Variants in NTM observed in about 807,000 individuals in gnomAD.
The protein encoded by NTM is neurotrimin.
Under a neutral mutation model 42.1 loss-of-function variants are expected in NTM, and 13 were observed. That is an observed-to-expected ratio of 0.31 (90% CI 0.20 to 0.49). The LOEUF (loss-of-function observed/expected upper bound fraction) is 0.49, where lower values mean the gene tolerates loss of function less well. Ranked by LOEUF, NTM falls within the 20% of genes least tolerant of loss-of-function variation. The pLI, the probability that NTM is intolerant of heterozygous loss-of-function variation, is 0.99. For synonymous variants in NTM, 187 were observed against 179.2 expected (o/e 1.04, Z -0.35); for missense variants, 373 against 452.8 (o/e 0.82, Z 1.60).
chr11:132,039,484 T>C (rs933130033), intron 2 of NTM, among the ~76,000 whole-genome samples: 2 of 151,354 alleles, frequency 1.3e-5, no homozygotes, highest in Non-Finnish European at 2.9e-5. Flanking sequence ...CTTAAACTCT[T>C]AGGCTCAAGC....
chr11:131,929,492 T>G (rs1356712872), intron 2 of NTM, among the ~76,000 whole-genome samples: 2 of 146,446 alleles, frequency 1.4e-5, no homozygotes, highest in Admixed American at 6.9e-5. Context: ...CTTATTGCCC[T>G]TATAAAAACT....
chr11:131,400,208 T>C (rs1944985552), intron 1 of NTM, among the ~76,000 whole-genome samples: 1 of 152,140 alleles, frequency 6.6e-6, no homozygotes, highest in Non-Finnish European at 1.5e-5. Context: ...GGACGTCACC[T>C]GTCCTTTCTC....
chr11:131,527,294 C>T (rs112617551), intron 1 of NTM, among the ~76,000 whole-genome samples: 429 of 152,266 alleles, frequency 2.8e-3, no homozygotes, highest in Non-Finnish European at 4.5e-3. Flanking sequence ...TTTTATTCCC[C>T]CACCCCTGGG....
Position 132,314,570 on chromosome 11 carries a change from A to G in NTM, c.801A>G (p.Lys267=), listed in dbSNP as rs1448527828. 11 of 1,612,564 alleles carry G rather than the reference A, an allele frequency of 6.8e-6. No homozygotes were observed. The highest frequency in any genetic ancestry group is 9.3e-6 in the Non-Finnish European group (11 of 1,179,444). The change falls in exon 7 of 9, where the codon AAA becomes AAG. Residue 267 remains lysine, a synonymous_variant. Coordinates refer to ENST00000683400, the MANE Select transcript of NTM (RefSeq NM_001352005.2). ...KDDKRLIEGK[K]GVKVENRPFL... The stretch of plus-strand genomic sequence containing the variant: ...CTCTCAGACTGATTGAAGGAAAGAA[A>G]GGGGTGAAAGTGGAAAACAGACCTT...
chr11:131,746,420 T>C (rs1045577401), intron 1 of NTM, among the ~76,000 whole-genome samples: 4 of 151,712 alleles, frequency 2.6e-5, no homozygotes, highest in Admixed American at 2.6e-4. Context: ...GCCAAATTGG[T>C]GTGGCGGAAG....
intron 1 of NTM, among the ~76,000 whole-genome samples, chr11:131,502,601 G>A (rs977278127): frequency 1.1e-4 from 16 of 152,244 alleles, no homozygotes; most frequent in South Asian, 4.1e-4. Context: ...ATTCCCCGGC[G>A]TCTCTGGCAT....
At chr11:131,677,405 A>T (rs1487934445) in intron 1 of NTM, among the ~76,000 whole-genome samples, 1 of 152,206 alleles carries the variant, frequency 6.6e-6, no homozygotes, top group Non-Finnish European at 1.5e-5. Context: ...ATCGTTTATT[A>T]TTTATTTTTA....
At chr11:132,129,961 C>T (rs1395431523) in intron 2 of NTM, among the ~76,000 whole-genome samples, 1 of 152,214 alleles carries the variant, frequency 6.6e-6, no homozygotes, top group East Asian at 1.9e-4. Context: ...ACCTCAACTC[C>T]TGCCAATGAC....
intron 4 of NTM, chr11:132,284,343 C>G (rs1195427620): frequency 6.6e-6 from 1 of 152,404 alleles, no homozygotes; most frequent in Non-Finnish European, 1.5e-5. Flanking sequence ...GGGCCTCTCT[C>G]CTTGGCATGT....
intron 1 of NTM, among the ~76,000 whole-genome samples, chr11:131,401,816 A>G (rs1241750530): frequency 3.0e-5 from 1 of 33,266 alleles, no homozygotes; most frequent in African/African-American, 1.6e-4. Context: ...ATATATATAT[A>G]TATATATATA....
At chr11:132,242,315 G>T (rs1852436906) in intron 4 of NTM, among the ~76,000 whole-genome samples, 1 of 152,098 alleles carries the variant, frequency 6.6e-6, no homozygotes. Flanking sequence ...TTTCCTTTTG[G>T]CTTTCCTGGA....
At chr11:132,151,939 C>T (rs774334598) in intron 3 of NTM, among the ~76,000 whole-genome samples, 8 of 152,138 alleles carry the variant, frequency 5.3e-5, no homozygotes, top group Non-Finnish European at 1.0e-4. Flanking sequence ...TGATTGTCTC[C>T]CTATTTCTGA....
intron 3 of NTM, among the ~76,000 whole-genome samples, chr11:132,149,172 A>G (rs1411064573): frequency 6.7e-6 from 1 of 149,662 alleles, no homozygotes; most frequent in African/African-American, 2.5e-5. Context: ...GACAAACTAA[A>G]TAGAGCCAGA....
At chr11:131,764,038 A>T (rs2135837766) in intron 1 of NTM, among the ~76,000 whole-genome samples, 1 of 152,214 alleles carries the variant, frequency 6.6e-6, no homozygotes, top group African/African-American at 2.4e-5. Context: ...TGATAGATTT[A>T]TGGTGAAGAT....
rs534452562 is a variant in NTM at position 131,987,452 on chromosome 11, A to G, written c.167+75804A>G. On this transcript the variant is annotated intron_variant, in intron 2 of 8. Coordinates refer to ENST00000683400, the MANE Select transcript of NTM (RefSeq NM_001352005.2). ...TTCTATTTTCATTCCAGCCCATCCC[A>G]TCACTTTTATCTTTCAAAATTTGAC... 1.9e-3 allele frequency among the ~76,000 whole-genome samples: 284 copies of G among 151,164 alleles called. 1 individual carries two copies. Among genetic ancestry groups the G allele is most frequent in the African/African-American group, 6.7e-3 (275 of 41,044 alleles).
At chr11:131,698,192 C>T (rs1460388249) in intron 1 of NTM, among the ~76,000 whole-genome samples, 1 of 152,170 alleles carries the variant, frequency 6.6e-6, no homozygotes, top group Non-Finnish European at 1.5e-5. Flanking sequence ...ATTCCACAAC[C>T]TTCCAGAGTG....
chr11:131,752,864 G>A (rs972259012), intron 1 of NTM, among the ~76,000 whole-genome samples: 15 of 152,134 alleles, frequency 9.9e-5, no homozygotes, highest in Admixed American at 6.5e-4. Context: ...CAAAAGCAAT[G>A]GCAACAAAAG....
chr11:131,896,633 T>C (rs2052302777), intron 1 of NTM, among the ~76,000 whole-genome samples: 1 of 151,006 alleles, frequency 6.6e-6, no homozygotes, highest in Non-Finnish European at 1.5e-5. Flanking sequence ...TATTAAAACC[T>C]GGCAAGAATA....
At chr11:131,829,483 T>A (rs1330643913) in intron 1 of NTM, among the ~76,000 whole-genome samples, 2 of 152,298 alleles carry the variant, frequency 1.3e-5, no homozygotes, top group Non-Finnish European at 2.9e-5. Context: ...GATAATGGTA[T>A]CCAGCTGCAT....
Sources: gnomAD v4.1 joint callset for allele counts (sites outside exome capture counted in the v4.1 genomes callset) on GRCh38, gnomAD v4.1.1 for gene constraint, MANE v1.5 for transcripts, NCBI Gene and HGNC (gene_info 2026-07-23, HGNC 2026-07-21) for gene names.